Variants in SGCD observed in about 807,000 individuals in gnomAD.
SGCD encodes the protein delta-sarcoglycan.
In SGCD, 18 loss-of-function variants were observed where a neutral mutation model predicts 36.6. The ratio of observed to expected loss-of-function variants is 0.49; its 90% CI spans 0.34 to 0.73. The LOEUF (loss-of-function observed/expected upper bound fraction) is 0.73. Among genes scored for constraint, SGCD ranks in the 30% least tolerant of loss-of-function variants. The pLI is 0.01. For missense variants in SGCD, 387 were observed against 346.7 expected (o/e 1.12, Z -0.92); for synonymous variants, 133 against 130.6 (o/e 1.02, Z -0.12).
chr5:155,918,029 G>A (rs927883016), intron 1 of SGCD, among the ~76,000 whole-genome samples: 3 of 152,052 alleles, frequency 2.0e-5, no homozygotes, highest in East Asian at 1.9e-4. Flanking sequence ...TGTGCTTCCC[G>A]ATCTGCCATG....
chr5:156,488,108 T>TG (rs1289029550), intron 3 of SGCD, among the ~76,000 whole-genome samples: 2,400 of 141,236 alleles, frequency 0.017, 95 homozygotes, highest in African/African-American at 0.061. Context: ...GTTTTTTTTT[T>TG]TTTTTTTTTT....
intron 7 of SGCD, among the ~76,000 whole-genome samples, chr5:156,714,941 C>A (rs1561872063): frequency 6.6e-6 from 1 of 152,182 alleles, no homozygotes; most frequent in Non-Finnish European, 1.5e-5. Flanking sequence ...ATAAATATAT[C>A]CATAAATATC....
At chr5:156,382,995 A>T (rs1298016109) in intron 3 of SGCD, among the ~76,000 whole-genome samples, 1 of 152,240 alleles carries the variant, frequency 6.6e-6, no homozygotes, top group Non-Finnish European at 1.5e-5. Flanking sequence ...CCAGTGTGTA[A>T]CATGACCATC....
chr5:155,894,678 C>T (rs1356878647), intron 1 of SGCD, among the ~76,000 whole-genome samples: 1 of 152,094 alleles, frequency 6.6e-6, no homozygotes, highest in Non-Finnish European at 1.5e-5. Context: ...CTATTGTGAA[C>T]TGCATATGTG....
intron 1 of SGCD, among the ~76,000 whole-genome samples, chr5:156,071,989 C>G (rs184696973): frequency 2.0e-5 from 3 of 152,226 alleles, no homozygotes; most frequent in African/African-American, 7.2e-5. Flanking sequence ...CTTGGTAGAT[C>G]TTCCTCCATC....
chr5:155,996,871 A>ATG (rs1758559879), intron 1 of SGCD, among the ~76,000 whole-genome samples: 1 of 86,894 alleles, frequency 1.2e-5, no homozygotes, highest in Non-Finnish European at 2.9e-5. Context: ...ATGGATAGAT[A>ATG]GATAGATAGA....
intron 7 of SGCD, among the ~76,000 whole-genome samples, chr5:156,676,431 C>T (rs1374065379): frequency 6.6e-6 from 1 of 152,178 alleles, no homozygotes; most frequent in Non-Finnish European, 1.5e-5. Flanking sequence ...CAGTATTTTT[C>T]AAAGGGCTGG....
chr5:156,446,694 G>T (rs901885068), intron 3 of SGCD, among the ~76,000 whole-genome samples: 2 of 152,118 alleles, frequency 1.3e-5, no homozygotes, highest in Non-Finnish European at 2.9e-5. Flanking sequence ...TCCAAGAAAA[G>T]GTGGGCTGGG....
At chr5:155,950,657 C>A (rs1757531423) in intron 1 of SGCD, among the ~76,000 whole-genome samples, 1 of 152,132 alleles carries the variant, frequency 6.6e-6, no homozygotes, top group Non-Finnish European at 1.5e-5. Context: ...CATCTCTCTT[C>A]CCCAAAGACT....
the SGCD span, among the ~76,000 whole-genome samples, chr5:155,841,686 T>C: frequency 6.6e-6 from 1 of 152,210 alleles, no homozygotes; most frequent in East Asian, 1.9e-4. Context: ...AAAGTTTATC[T>C]TGAAGCTTAT....
chr5:156,060,597 T>G (rs922585183), intron 1 of SGCD, among the ~76,000 whole-genome samples: 5 of 145,760 alleles, frequency 3.4e-5, no homozygotes, highest in African/African-American at 1.2e-4. Flanking sequence ...AAGAAATTTA[T>G]GTACCTTCAT....
intron 1 of SGCD, among the ~76,000 whole-genome samples, chr5:156,044,382 A>G (rs1759712830): frequency 6.6e-6 from 1 of 152,156 alleles, no homozygotes; most frequent in Non-Finnish European, 1.5e-5. Context: ...ATTCTCTTTA[A>G]TACTTAGAGG....
At chr5:156,593,276 A>C (rs1760795290) in intron 5 of SGCD, among the ~76,000 whole-genome samples, 1 of 152,186 alleles carries the variant, frequency 6.6e-6, no homozygotes, top group Admixed American at 6.6e-5. Flanking sequence ...CCAGATGCCC[A>C]GTGGCTGGTT....
chr5:156,256,813 C>T (rs982041948), intron 3 of SGCD, among the ~76,000 whole-genome samples: 5 of 152,014 alleles, frequency 3.3e-5, no homozygotes, highest in East Asian at 3.9e-4. Flanking sequence ...ATTATCTTTG[C>T]GATAATTCTA....
At chr5:156,120,598 T>A (rs145143064) in intron 2 of SGCD, among the ~76,000 whole-genome samples, 1 of 152,328 alleles carries the variant, frequency 6.6e-6, no homozygotes, top group African/African-American at 2.4e-5. Flanking sequence ...GTGCTTTGGA[T>A]CATGTCCTTG....
chr5:155,940,242 C>A (rs1477463546), intron 1 of SGCD, among the ~76,000 whole-genome samples: 1 of 152,162 alleles, frequency 6.6e-6, no homozygotes, highest in Non-Finnish European at 1.5e-5. Context: ...ATGTACAGAT[C>A]CAGGTTTTTC....
At chr5:155,974,195 G>T (rs1758063085) in intron 1 of SGCD, among the ~76,000 whole-genome samples, 1 of 152,090 alleles carries the variant, frequency 6.6e-6, no homozygotes, top group East Asian at 1.9e-4. Context: ...AGGAGAGAGA[G>T]AAAAATCATG....
chr5:156,484,789 T>C (rs1210192026), intron 3 of SGCD, among the ~76,000 whole-genome samples: 1 of 152,224 alleles, frequency 6.6e-6, no homozygotes, highest in Non-Finnish European at 1.5e-5. Flanking sequence ...TCGGGTCCCC[T>C]TGGAATGAAT....
chr5:156,281,293 A>T (rs1766446704), intron 3 of SGCD, among the ~76,000 whole-genome samples: 1 of 152,224 alleles, frequency 6.6e-6, no homozygotes, highest in Non-Finnish European at 1.5e-5. Context: ...AAAGAACCAT[A>T]TCTGGATACT....
Sources: gnomAD v4.1 joint callset for allele counts (sites outside exome capture counted in the v4.1 genomes callset) on GRCh38, gnomAD v4.1.1 for gene constraint, MANE v1.5 for transcripts, NCBI Gene and HGNC (gene_info 2026-07-23, HGNC 2026-07-21) for gene names.